VSNL1: variants seen among roughly 807,000 people sequenced by gnomAD.
VSNL1 encodes visinin-like protein 1.
Under a neutral mutation model 20.4 loss-of-function variants are expected in VSNL1, and 6 were observed. The observed-to-expected ratio is 0.29, with a 90% CI of 0.16 to 0.58. VSNL1 has a LOEUF of 0.58. Among genes scored for constraint, VSNL1 ranks in the 20% least tolerant of loss-of-function variants. The pLI is 0.90. For missense variants in VSNL1, 100 were observed against 234.5 expected, an observed-to-expected ratio of 0.43 and a Z score of 3.75; for synonymous variants, 93 against 86.4, an observed-to-expected ratio of 1.08 and a Z score of -0.42.
intron 2 of VSNL1, among the ~76,000 whole-genome samples, chr2:17,607,445 T>A (rs1430261052): frequency 1.3e-5 from 2 of 152,202 alleles, no homozygotes; most frequent in Non-Finnish European, 2.9e-5. Flanking sequence ...AGGGACAGAA[T>A]GAAGTTCAAT....
At chr2:17,618,173 G>GT (rs1467676686) in intron 2 of VSNL1, among the ~76,000 whole-genome samples, 17 of 152,216 alleles carry the variant, frequency 1.1e-4, no homozygotes, top group Admixed American at 5.2e-4. Flanking sequence ...TACTGCTGCT[G>GT]TAACAAGTTA....
At chr2:17,586,611 T>G (rs1664479634) in intron 1 of VSNL1, among the ~76,000 whole-genome samples, 1 of 152,214 alleles carries the variant, frequency 6.6e-6, no homozygotes. Context: ...GGTACCATGC[T>G]TTCTGTTTAT....
chr2:17,579,075 T>C (rs1326822282), intron 1 of VSNL1, among the ~76,000 whole-genome samples: 2 of 152,224 alleles, frequency 1.3e-5, no homozygotes, highest in Non-Finnish European at 2.9e-5. Flanking sequence ...TCCCTCTTTT[T>C]GTCCCTGCCT....
chr2:17,641,902 A>T (rs1432458379), intron 2 of VSNL1, among the ~76,000 whole-genome samples: 1 of 152,252 alleles, frequency 6.6e-6, no homozygotes, highest in African/African-American at 2.4e-5. Context: ...TTAGATACAA[A>T]GGGAATGGTA....
chr2:17,577,575 G>T (rs1274859383), intron 1 of VSNL1, among the ~76,000 whole-genome samples: 1 of 152,124 alleles, frequency 6.6e-6, no homozygotes, highest in African/African-American at 2.4e-5. Flanking sequence ...GACCTCAAAT[G>T]TCCTCTCTTG....
At chr2:17,619,862 TAAA>T (rs77449745) in intron 2 of VSNL1, among the ~76,000 whole-genome samples, 91 of 142,838 alleles carry the variant, frequency 6.4e-4, no homozygotes, top group Non-Finnish European at 1.2e-3. Context: ...GTTACAGTCT[TAAA>T]AAAAAAAAAA....
At chr2:17,585,209 G>A (rs748414479) in intron 1 of VSNL1, among the ~76,000 whole-genome samples, 21 of 152,088 alleles carry the variant, frequency 1.4e-4, no homozygotes, top group Non-Finnish European at 3.1e-4. Context: ...AGGGATTTCT[G>A]TTCTTTCCAG....
At chr2:17,553,490 G>T (rs1489571345) in intron 1 of VSNL1, among the ~76,000 whole-genome samples, 1 of 151,974 alleles carries the variant, frequency 6.6e-6, no homozygotes, top group African/African-American at 2.4e-5. Context: ...AACAAATAAG[G>T]GCAATTAATT....
At chr2:17,567,896 G>A (rs1663990217) in intron 1 of VSNL1, among the ~76,000 whole-genome samples, 1 of 151,944 alleles carries the variant, frequency 6.6e-6, no homozygotes, top group African/African-American at 2.4e-5. Flanking sequence ...TGCATTCCAG[G>A]AATAACCCCT....
intron 1 of VSNL1, among the ~76,000 whole-genome samples, chr2:17,548,086 A>C (rs1051954058): frequency 1.3e-5 from 2 of 152,078 alleles, no homozygotes; most frequent in African/African-American, 2.4e-5. Flanking sequence ...GTCTGTGGGA[A>C]GAGTCTCCTA....
intron 1 of VSNL1, among the ~76,000 whole-genome samples, chr2:17,564,574 G>GTT (rs146901638): frequency 6.7e-6 from 1 of 150,288 alleles, no homozygotes; most frequent in Non-Finnish European, 1.5e-5. Context: ...TTCCAACTTT[G>GTT]TTTTTTTTTC....
chr2:17,614,308 C>T (rs1665163443), intron 2 of VSNL1, among the ~76,000 whole-genome samples: 1 of 152,262 alleles, frequency 6.6e-6, no homozygotes, highest in Non-Finnish European at 1.5e-5. Context: ...ATTGGCTTAA[C>T]AATGTTCAGC....
chr2:17,631,973 G>A lies in VSNL1; in HGVS notation c.163-17437G>A, dbSNP rs146793035. 8.1e-4 allele frequency among the ~76,000 whole-genome samples: 123 copies of A among 152,314 alleles called. 1 individual carries two copies. Among genetic ancestry groups the A allele is most frequent in the Admixed American group, 5.1e-3 (78 of 15,300 alleles). On this transcript the variant is annotated intron_variant, in intron 2 of 3. Transcript: ENST00000295156. Reference sequence around the variant, plus strand: ...ATGATCTCAGCTCTCTACAGCCTCCGCCTCCCGGGTTCAAGTAATTCTCCT... The same window carrying A: ...ATGATCTCAGCTCTCTACAGCCTCCACCTCCCGGGTTCAAGTAATTCTCCT...
intron 1 of VSNL1, among the ~76,000 whole-genome samples, chr2:17,571,242 T>C (rs1664074609): frequency 6.6e-6 from 1 of 152,196 alleles, no homozygotes; most frequent in Admixed American, 6.5e-5. Context: ...AACCACACTT[T>C]CCTTTAGGTA....
intron 1 of VSNL1, among the ~76,000 whole-genome samples, chr2:17,548,600 T>C (rs531638985): frequency 5.9e-5 from 9 of 152,262 alleles, no homozygotes; most frequent in Admixed American, 5.2e-4. Flanking sequence ...GCTTGGAATA[T>C]AAATAATTCC....
chr2:17,589,320 C>T (rs1005876608), intron 1 of VSNL1, among the ~76,000 whole-genome samples: 18 of 152,120 alleles, frequency 1.2e-4, no homozygotes, highest in Non-Finnish European at 1.0e-4. Flanking sequence ...ACCTGAGCCA[C>T]GCTAAGGAGA....
intron 1 of VSNL1, among the ~76,000 whole-genome samples, chr2:17,586,354 C>A (rs1664471974): frequency 2.6e-5 from 4 of 152,198 alleles, no homozygotes; most frequent in Admixed American, 2.0e-4. Flanking sequence ...AGGGATCAAC[C>A]CACTAAGCTG....
chr2:17,560,581 G>A (rs892837746), intron 1 of VSNL1, among the ~76,000 whole-genome samples: 4 of 152,092 alleles, frequency 2.6e-5, no homozygotes, highest in African/African-American at 2.4e-5. Context: ...AGAAACAAGT[G>A]AATCTGAACC....
rs978312532 is a variant in VSNL1 at position 17,649,798 on chromosome 2, C to A, written c.378+173C>A. On this transcript the variant is annotated intron_variant, in intron 3 of 3. Transcript: ENST00000295156. The surrounding 1 kb of genome is among the most constrained non-coding windows in gnomAD (Gnocchi z 6.4). ...CGCTGCAGCACAGTGCTGGGGAGGT[C>A]CCAGAACCAAGCCATGGGGCCCGTA... is the stretch of plus-strand genomic sequence containing the variant. Among the ~76,000 whole-genome samples the A allele has an allele frequency of 6.6e-6, 1 of 152,196 alleles. No homozygotes were observed. Among genetic ancestry groups the A allele is most frequent in the Non-Finnish European group, 1.5e-5 (1 of 68,030 alleles).
Sources: gnomAD v4.1 joint callset for allele counts (sites outside exome capture counted in the v4.1 genomes callset) on GRCh38, gnomAD v4.1.1 for gene constraint, Gnocchi (gnomAD v3.1) non-coding constraint, MANE v1.5 for transcripts, NCBI Gene and HGNC (gene_info 2026-07-23, HGNC 2026-07-21) for gene names.